Variants in RGS7 observed in about 807,000 individuals in gnomAD.
RGS7 encodes regulator of G protein signaling 7.
Under a neutral mutation model 81.1 loss-of-function variants are expected in RGS7, and 27 were observed. That is an observed-to-expected ratio of 0.33 (90% CI 0.25 to 0.46). The LOEUF (loss-of-function observed/expected upper bound fraction) is 0.46, where lower values mean the gene tolerates loss of function less well. Among genes scored for constraint, RGS7 ranks in the 20% least tolerant of loss-of-function variants. The pLI, the probability that RGS7 is intolerant of heterozygous loss-of-function variation, is 1.00. For missense variants in RGS7, 396 were observed against 607.4 expected, an observed-to-expected ratio of 0.65 and a Z score of 3.66; for synonymous variants, 208 against 207.7, an observed-to-expected ratio of 1.00 and a Z score of -0.01.
At chr1:241,338,400 T>A (rs939896666) in intron 2 of RGS7, among the ~76,000 whole-genome samples, 1 of 152,152 alleles carries the variant, frequency 6.6e-6, no homozygotes, top group Non-Finnish European at 1.5e-5. Context: ...ATTCCATTTT[T>A]AAATCAGCTA....
intron 3 of RGS7, among the ~76,000 whole-genome samples, chr1:241,015,706 G>GT (rs1418594829): frequency 6.6e-6 from 1 of 152,180 alleles, no homozygotes; most frequent in Admixed American, 6.5e-5. Context: ...GTGAATTTAT[G>GT]TAAGTTAATC....
At chr1:240,975,907 G>A (rs1269970210) in intron 4 of RGS7, among the ~76,000 whole-genome samples, 3 of 141,298 alleles carry the variant, frequency 2.1e-5, no homozygotes, top group South Asian at 4.7e-4. Context: ...ACAGTCCTGC[G>A]TCTGTGCATT....
chr1:241,015,486 T>C (rs2059172917), intron 3 of RGS7, among the ~76,000 whole-genome samples: 1 of 152,208 alleles, frequency 6.6e-6, no homozygotes, highest in Admixed American at 6.5e-5. Context: ...CTTTAACCTA[T>C]TGACCATTAT....
chr1:241,263,947 G>A (rs1019835869), intron 2 of RGS7, among the ~76,000 whole-genome samples: 8 of 151,974 alleles, frequency 5.3e-5, no homozygotes, highest in South Asian at 2.1e-4. Flanking sequence ...AATAAATGGC[G>A]CCTCTGTGGT....
At chr1:241,333,805 A>G (rs1000279144) in intron 2 of RGS7, among the ~76,000 whole-genome samples, 5 of 152,048 alleles carry the variant, frequency 3.3e-5, no homozygotes, top group Non-Finnish European at 5.9e-5. Flanking sequence ...TTAGCTTTAG[A>G]TATCTTCTCC....
intron 2 of RGS7, among the ~76,000 whole-genome samples, chr1:241,240,562 G>C (rs1305003060): frequency 6.6e-6 from 1 of 152,206 alleles, no homozygotes; most frequent in African/African-American, 2.4e-5. Context: ...GTGTAAAAGA[G>C]TAAACCTCAT....
chr1:241,086,813 G>A (rs1320200833), intron 3 of RGS7, among the ~76,000 whole-genome samples: 2 of 152,070 alleles, frequency 1.3e-5, no homozygotes, highest in Admixed American at 6.6e-5. Context: ...CAAAGGTCAC[G>A]CGACAATATT....
intron 3 of RGS7, among the ~76,000 whole-genome samples, chr1:241,086,178 AAC>A (rs1362100218): frequency 6.6e-6 from 1 of 152,220 alleles, no homozygotes; most frequent in African/African-American, 2.4e-5. Flanking sequence ...CTGTATATCC[AAC>A]AGTTTCCAGG....
intron 2 of RGS7, among the ~76,000 whole-genome samples, chr1:241,192,159 GGTGTGTGTGTGTGTGTGTGTGTGTGT>G (rs58714151): frequency 8.2e-6 from 1 of 121,934 alleles, no homozygotes; most frequent in Non-Finnish European, 1.7e-5. Context: ...AGAGAAAACA[GGTGTGTGTGTGTGTGTGTGTGTGTGT>G]GTGTGTGTGT....
chr1:241,091,375 C>G (rs1354761016), intron 3 of RGS7, among the ~76,000 whole-genome samples: 1 of 151,590 alleles, frequency 6.6e-6, no homozygotes, highest in African/African-American at 2.4e-5. Context: ...GGTGAAACCC[C>G]GTCTCTATTA....
At chr1:241,092,066 GA>G (rs1342646461) in intron 3 of RGS7, among the ~76,000 whole-genome samples, 1 of 152,144 alleles carries the variant, frequency 6.6e-6, no homozygotes, top group East Asian at 1.9e-4. Context: ...CCATGATTAT[GA>G]ATCAAAACAT....
At chr1:241,054,643 A>T (rs2061398248) in intron 3 of RGS7, among the ~76,000 whole-genome samples, 1 of 152,214 alleles carries the variant, frequency 6.6e-6, no homozygotes, top group South Asian at 2.1e-4. Context: ...CTACTTCCTG[A>T]CCTGCTACTT....
intron 2 of RGS7, among the ~76,000 whole-genome samples, chr1:241,279,011 A>G (rs1360972434): frequency 1.3e-5 from 2 of 152,116 alleles, no homozygotes; most frequent in Non-Finnish European, 2.9e-5. Context: ...TTCCAACCAT[A>G]TACACACCTT....
At chr1:240,859,909 T>C (rs1661886574) in intron 9 of RGS7, among the ~76,000 whole-genome samples, 1 of 152,238 alleles carries the variant, frequency 6.6e-6, no homozygotes, top group Admixed American at 6.5e-5. Context: ...AGCATATTTT[T>C]ATTTTAAGCT....
At chr1:241,233,498 T>G (rs2075774395) in intron 2 of RGS7, among the ~76,000 whole-genome samples, 1 of 152,246 alleles carries the variant, frequency 6.6e-6, no homozygotes. Flanking sequence ...TTTGTCTTTC[T>G]GTGCCTGACT....
chr1:241,026,657 T>C (rs1353857621), intron 3 of RGS7, among the ~76,000 whole-genome samples: 1 of 151,992 alleles, frequency 6.6e-6, no homozygotes, highest in Non-Finnish European at 1.5e-5. Flanking sequence ...CAGCTAACAG[T>C]GAGCCAGGCA....
At chr1:241,081,981 A>C (rs1245739971) in intron 3 of RGS7, among the ~76,000 whole-genome samples, 1 of 152,218 alleles carries the variant, frequency 6.6e-6, no homozygotes, top group Non-Finnish European at 1.5e-5. Flanking sequence ...GAACCATTTC[A>C]GTCAATCAAC....
Position 241,144,964 on chromosome 1 carries a change from T to TGTGTGTGTGTGTGTGTG in RGS7, c.79-46203_79-46202insCACACACACACACACAC, listed in dbSNP as rs1479399427. On this transcript the variant is annotated intron_variant, in intron 2 of 18. Coordinates refer to ENST00000440928, the MANE Select transcript of RGS7 (RefSeq NM_001364886.1). This position sits in a 1 kb window ranked among gnomAD's most constrained non-coding sequence, Gnocchi z 4.7. ...GTGTGTGTGTGTGTGTGTGTGTGTG[T>TGTGTGTGTGTGTGTGTG]TCGTGTTCATTCTTCCTGTTCCTGT... is the stretch of plus-strand genomic sequence containing the variant. Among the ~76,000 whole-genome samples, 15 of 144,508 alleles carry TGTGTGTGTGTGTGTGTG rather than the reference T, an allele frequency of 1.0e-4. No homozygotes were observed. Among genetic ancestry groups the TGTGTGTGTGTGTGTGTG allele is most frequent in the African/African-American group, 3.5e-4 (13 of 36,928 alleles). 94.8% of individuals were successfully genotyped at this position (144,508 alleles called of 152,430 possible).
chr1:240,813,064 C>T (rs1362577318), intron 13 of RGS7, among the ~76,000 whole-genome samples: 1 of 152,130 alleles, frequency 6.6e-6, no homozygotes, highest in South Asian at 2.1e-4. Context: ...CGCCATGATC[C>T]TCTTATGAGT....
Sources: gnomAD v4.1 joint callset for allele counts (sites outside exome capture counted in the v4.1 genomes callset) on GRCh38, gnomAD v4.1.1 for gene constraint, Gnocchi (gnomAD v3.1) non-coding constraint, MANE v1.5 for transcripts, NCBI Gene and HGNC (gene_info 2026-07-23, HGNC 2026-07-21) for gene names.